Variants in CSMD1 observed in about 807,000 individuals in gnomAD.
CSMD1 encodes the protein CUB and Sushi multiple domains 1.
Under a neutral mutation model 417.5 loss-of-function variants are expected in CSMD1, and 213 were observed. The ratio of observed to expected loss-of-function variants is 0.51; its 90% CI spans 0.46 to 0.57. The LOEUF (loss-of-function observed/expected upper bound fraction) is 0.57. CSMD1 is among the 20% of genes least tolerant of loss of function. The probability of loss-of-function intolerance (pLI) is 0.00; values close to 1 mark genes in which losing one functional copy is unlikely to be tolerated. For missense variants in CSMD1, 6,923 were observed against 4,529.7 expected, an observed-to-expected ratio of 1.53 and a Z score of -15.17; for synonymous variants, 2,862 against 1,736.8, an observed-to-expected ratio of 1.65 and a Z score of -16.11.
intron 42 of CSMD1, 47 bp from the exon 43 acceptor site, chr8:3,110,382 GA>G: frequency 6.7e-7 from 1 of 1,496,962 alleles, no homozygotes; most frequent in Non-Finnish European, 8.9e-7. Context: ...GCTGATTTTA[GA>G]GAGTAGAAAG....
At chr8:4,728,142 A>G (rs1274339391) in intron 1 of CSMD1, among the ~76,000 whole-genome samples, 3 of 147,278 alleles carry the variant, frequency 2.0e-5, no homozygotes, top group Non-Finnish European at 4.5e-5. Flanking sequence ...TCATACCTAT[A>G]TATCAAATAT....
chr8:3,894,192 G>A (rs907792412), intron 5 of CSMD1, among the ~76,000 whole-genome samples: 3 of 152,228 alleles, frequency 2.0e-5, no homozygotes, highest in African/African-American at 7.2e-5. Context: ...TCTTTTGTTT[G>A]AATTGTTCTA....
At chr8:3,255,319 G>A (rs967817433) in intron 26 of CSMD1, among the ~76,000 whole-genome samples, 8 of 152,144 alleles carry the variant, frequency 5.3e-5, no homozygotes, top group Non-Finnish European at 1.2e-4. Flanking sequence ...GGGGGACAGG[G>A]ACCCACTTGA....
At chr8:4,035,204 G>A (rs1030825707) in intron 3 of CSMD1, among the ~76,000 whole-genome samples, 4 of 152,080 alleles carry the variant, frequency 2.6e-5, no homozygotes, top group African/African-American at 7.2e-5. Flanking sequence ...CGTAGTGCCA[G>A]CTATGATGCA....
intron 18 of CSMD1, among the ~76,000 whole-genome samples, chr8:3,380,640 T>A (rs1810573726): frequency 6.6e-6 from 1 of 152,152 alleles, no homozygotes; most frequent in South Asian, 2.1e-4. Context: ...AACATAGGAA[T>A]ACAAAACCAA....
intron 5 of CSMD1, among the ~76,000 whole-genome samples, chr8:3,856,465 G>T (rs911728692): frequency 5.9e-5 from 9 of 152,142 alleles, no homozygotes; most frequent in Admixed American, 2.0e-4. Flanking sequence ...CTAACATGCT[G>T]CCCTATGAGT....
At chr8:3,377,701 G>T (rs1427936857) in intron 18 of CSMD1, among the ~76,000 whole-genome samples, 1 of 152,014 alleles carries the variant, frequency 6.6e-6, no homozygotes, top group African/African-American at 2.4e-5. Context: ...TCATATCCTG[G>T]GATGCCTGTT....
chr8:2,953,995 A>C (rs1295594794), intron 65 of CSMD1, among the ~76,000 whole-genome samples: 1 of 152,260 alleles, frequency 6.6e-6, no homozygotes, highest in Non-Finnish European at 1.5e-5. Flanking sequence ...AGGGTGTGAT[A>C]ACACCAAAGG....
At chr8:4,285,308 G>A (rs767030442) in intron 3 of CSMD1, among the ~76,000 whole-genome samples, 1 of 152,130 alleles carries the variant, frequency 6.6e-6, no homozygotes, top group African/African-American at 2.4e-5. Context: ...ACTCTCTGAA[G>A]CCATGTGCAG....
intron 1 of CSMD1, among the ~76,000 whole-genome samples, chr8:4,695,305 T>A (rs1430852244): frequency 6.6e-6 from 1 of 152,222 alleles, no homozygotes; most frequent in Non-Finnish European, 1.5e-5. Flanking sequence ...TAGTCTGCAC[T>A]CCTGGCATTG....
chr8:3,784,265 T>C (rs1232510713), intron 5 of CSMD1, among the ~76,000 whole-genome samples: 1 of 152,194 alleles, frequency 6.6e-6, no homozygotes, highest in Non-Finnish European at 1.5e-5. Flanking sequence ...CACAGGACCT[T>C]GCTAGATTAC....
intron 49 of CSMD1, among the ~76,000 whole-genome samples, chr8:3,078,386 T>C (rs1403318093): frequency 6.6e-6 from 1 of 152,246 alleles, no homozygotes; most frequent in Non-Finnish European, 1.5e-5. Context: ...TTTAATTTAA[T>C]GAATAAACAT....
chr8:3,865,687 G>C (rs753219675), intron 5 of CSMD1, among the ~76,000 whole-genome samples: 1 of 152,138 alleles, frequency 6.6e-6, no homozygotes, highest in Non-Finnish European at 1.5e-5. Context: ...CACTGTTCTA[G>C]GTTCCAACGG....
intron 6 of CSMD1, among the ~76,000 whole-genome samples, chr8:3,753,159 C>G (rs1251065928): frequency 6.6e-6 from 1 of 152,166 alleles, no homozygotes; most frequent in African/African-American, 2.4e-5. Context: ...GGTCAACGTT[C>G]TCATCGTCAC....
At chr8:3,468,850 T>C (rs760586350) in intron 11 of CSMD1, 26 bp from the exon 12 acceptor site, 22 of 1,498,586 alleles carry the variant, frequency 1.5e-5, no homozygotes, top group Non-Finnish European at 2.0e-5. Context: ...ATGTCAAAGC[T>C]TTTAGGTAAG....
intron 1 of CSMD1, among the ~76,000 whole-genome samples, chr8:4,821,373 G>A (rs867026056): frequency 5.9e-5 from 9 of 152,130 alleles, no homozygotes; most frequent in African/African-American, 1.9e-4. Context: ...CCAAAGAGGT[G>A]CGTTTATCCC....
intron 1 of CSMD1, among the ~76,000 whole-genome samples, chr8:4,710,847 AAAT>A (rs549449944): frequency 2.6e-5 from 4 of 151,708 alleles, no homozygotes; most frequent in East Asian, 1.9e-4. Context: ...TCTGTCTCAA[AAAT>A]AATAATAATA....
At chr8:3,554,931 C>G (rs990539888) in intron 10 of CSMD1, among the ~76,000 whole-genome samples, 7 of 151,894 alleles carry the variant, frequency 4.6e-5, no homozygotes, top group Non-Finnish European at 8.8e-5. Flanking sequence ...CCACACAGGG[C>G]AAGTGGGTCA....
intron 1 of CSMD1, among the ~76,000 whole-genome samples, chr8:4,780,670 C>G (rs543128425): frequency 2.9e-4 from 44 of 152,188 alleles, no homozygotes; most frequent in African/African-American, 1.0e-3. Context: ...ACCCATCACC[C>G]GAGTGGTATA....
Sources: gnomAD v4.1 joint callset for allele counts (sites outside exome capture counted in the v4.1 genomes callset) on GRCh38, gnomAD v4.1.1 for gene constraint, MANE v1.5 for transcripts, NCBI Gene and HGNC (gene_info 2026-07-23, HGNC 2026-07-21) for gene names.